JAK1: variants seen among roughly 807,000 people sequenced by gnomAD.
JAK1 encodes Janus kinase 1, also known as tyrosine-protein kinase JAK1.
JAK1 carries 16 observed loss-of-function variants against 136.6 expected under a neutral mutation model. That is an observed-to-expected ratio of 0.12 (90% CI 0.08 to 0.18). The LOEUF (loss-of-function observed/expected upper bound fraction) is 0.18, where lower values mean the gene tolerates loss of function less well. Among genes scored for constraint, JAK1 ranks in the 10% least tolerant of loss-of-function variants. The pLI, the probability that JAK1 is intolerant of heterozygous loss-of-function variation, is 1.00. For synonymous variants in JAK1, 492 were observed against 519.5 expected (o/e 0.95, Z 0.72); for missense variants, 859 against 1,450.1 (o/e 0.59, Z 6.62).
At chr1:64,842,613 A>G (rs1654976885) in intron 17 of JAK1, among the ~76,000 whole-genome samples, 1 of 152,168 alleles carries the variant, frequency 6.6e-6, no homozygotes, top group African/African-American at 2.4e-5. Context: ...TTAGGTGGAG[A>G]GAGACCCCTA....
intron 4 of JAK1, among the ~76,000 whole-genome samples, chr1:64,873,898 AC>A (rs1657230914): frequency 6.6e-6 from 1 of 152,158 alleles, no homozygotes; most frequent in Non-Finnish European, 1.5e-5. Context: ...CGAATCCAAG[AC>A]CAATTTGATT....
intron 2 of JAK1, among the ~76,000 whole-genome samples, chr1:64,980,680 C>T (rs11208560): frequency 2.6e-5 from 4 of 151,770 alleles, no homozygotes; most frequent in Admixed American, 1.3e-4. Flanking sequence ...CCCATTAACT[C>T]GTCATTTACA....
At chr1:64,985,487 A>G in intron 2 of JAK1, 2 of 1,593,322 alleles carry the variant, frequency 1.3e-6, no homozygotes, top group South Asian at 1.1e-5. Flanking sequence ...CAGGGCAAAA[A>G]GGAAGGGCTG....
intron 12 of JAK1, among the ~76,000 whole-genome samples, chr1:64,850,094 G>A (rs1655491522): frequency 6.6e-6 from 1 of 152,174 alleles, no homozygotes; most frequent in African/African-American, 2.4e-5. Flanking sequence ...CCGAGGTGGT[G>A]AGTGGCCCCG....
intron 2 of JAK1, among the ~76,000 whole-genome samples, chr1:65,038,938 T>TGTGTG (rs1569926667): frequency 6.8e-6 from 1 of 147,856 alleles, no homozygotes; most frequent in East Asian, 2.0e-4. Flanking sequence ...GCACCCAGTC[T>TGTGTG]TGTGTGTGTG....
chr1:64,993,712 C>T (rs556609958), intron 2 of JAK1: 1 of 152,290 alleles, frequency 6.6e-6, no homozygotes, highest in East Asian at 1.9e-4. Context: ...GTGGTGTGAT[C>T]TTGGTTCACT....
At chr1:64,969,924 A>G (rs369227051), upstream of JAK1, among the ~76,000 whole-genome samples, 3 of 151,938 alleles carry the variant, frequency 2.0e-5, no homozygotes, top group African/African-American at 7.3e-5. Context: ...TGGGTTCAGG[A>G]GTTCAAAATG....
At chr1:64,896,768 G>C (rs768259712) in intron 1 of JAK1, among the ~76,000 whole-genome samples, 1 of 152,166 alleles carries the variant, frequency 6.6e-6, no homozygotes, top group Non-Finnish European at 1.5e-5. Flanking sequence ...TCTGGAGAAG[G>C]TCTAAGAGTG....
chr1:65,026,158 T>A (rs1437590198), intron 2 of JAK1, among the ~76,000 whole-genome samples: 2 of 152,210 alleles, frequency 1.3e-5, no homozygotes, highest in Non-Finnish European at 2.9e-5. Context: ...CCAACGCTAC[T>A]ACCTATCCAG....
At chr1:65,055,794 T>C (rs1318707312) in intron 1 of JAK1, among the ~76,000 whole-genome samples, 1 of 152,148 alleles carries the variant, frequency 6.6e-6, no homozygotes, top group Non-Finnish European at 1.5e-5. Flanking sequence ...TCAGCCTTCT[T>C]GTTTAGAGGA....
chr1:64,982,492 A>T (rs1198280870), intron 2 of JAK1, among the ~76,000 whole-genome samples: 1 of 152,156 alleles, frequency 6.6e-6, no homozygotes, highest in African/African-American at 2.4e-5. Flanking sequence ...AGATTATTGC[A>T]ATCAGCCCAG....
At chr1:64,967,036 T>A (rs1646398993), upstream of JAK1, among the ~76,000 whole-genome samples, 1 of 151,644 alleles carries the variant, frequency 6.6e-6, no homozygotes, top group East Asian at 1.9e-4. Context: ...ATCCAACCCA[T>A]TCCGTATTTT....
chr1:65,067,597 C>T (rs963532710), intron 1 of JAK1: 1 of 147,580 alleles, frequency 6.8e-6, no homozygotes, highest in East Asian at 2.0e-4. Context: ...GCCGCCCCCA[C>T]ACCCACCTGC....
chr1:64,909,274 C>A (rs1290982544), intron 1 of JAK1, among the ~76,000 whole-genome samples: 1 of 152,120 alleles, frequency 6.6e-6, no homozygotes, highest in Non-Finnish European at 1.5e-5. Flanking sequence ...GAAGCTGGCA[C>A]GTGCACCCCA....
At chr1:64,838,412 C>A in intron 21 of JAK1, 53 bp downstream of exon 21, 1 of 1,587,648 alleles carries the variant, frequency 6.3e-7, no homozygotes, top group Non-Finnish European at 8.6e-7. Context: ...ACCAATTACC[C>A]AGGACAGAGT....
chr1:64,984,621 G>T lies in JAK1; in HGVS notation c.-78+59859C>A. The T allele has an allele frequency of 2.2e-6, 1 of 451,444 alleles. No individual in the cohort carries two copies. The highest frequency in any genetic ancestry group is 4.3e-6 in the Non-Finnish European group (1 of 235,222). The allele number at this position is 451,444 out of a possible 1,614,324, so 28.0% of individuals were successfully genotyped here. On this transcript the variant is annotated intron_variant, in intron 2 of 25. Coordinates refer to the JAK1 transcript ENST00000671954. The surrounding 1 kb of genome is among the most constrained non-coding windows in gnomAD (Gnocchi z 4.1). ...GAGGCATGATTTAGACATTGGTGGT[G>T]GTCTCCTTAGCAGGCTGGATACTGT...
intron 2 of JAK1, among the ~76,000 whole-genome samples, chr1:64,999,207 G>A (rs1277374162): frequency 6.6e-6 from 1 of 152,148 alleles, no homozygotes; most frequent in Non-Finnish European, 1.5e-5. Flanking sequence ...TGTGAACAAA[G>A]TCCAAACCTT....
chr1:64,916,974 T>C (rs1645408487), intron 1 of JAK1, among the ~76,000 whole-genome samples: 2 of 150,506 alleles, frequency 1.3e-5, no homozygotes, highest in Non-Finnish European at 3.0e-5. Context: ...ACAAAGAAAG[T>C]GGAGGGGAGA....
At chr1:64,909,685 G>C (rs1012291983) in intron 1 of JAK1, among the ~76,000 whole-genome samples, 1 of 151,564 alleles carries the variant, frequency 6.6e-6, no homozygotes, top group African/African-American at 2.4e-5. Flanking sequence ...TTAGCCAGGT[G>C]TGGTGGCACA....
Sources: allele counts gnomAD v4.1 joint callset (sites outside exome capture counted in the v4.1 genomes callset), GRCh38; gene constraint gnomAD v4.1.1; non-coding constraint Gnocchi (gnomAD v3.1); transcripts MANE v1.5; gene names NCBI Gene and HGNC (gene_info 2026-07-23, HGNC 2026-07-21).